Variants in RAB3C observed in about 807,000 individuals in gnomAD.
RAB3C encodes ras-related protein Rab-3C.
In RAB3C, 17 loss-of-function variants were observed where a neutral mutation model predicts 26.4. The ratio of observed to expected loss-of-function variants is 0.64; its 90% CI spans 0.44 to 0.97. The LOEUF is 0.97. Ranked by LOEUF, RAB3C falls within the 50% of genes least tolerant of loss-of-function variation. RAB3C has a pLI of 0.00. For missense variants in RAB3C, 242 were observed against 281.9 expected, an observed-to-expected ratio of 0.86 and a Z score of 1.01; for synonymous variants, 91 against 95.9, an observed-to-expected ratio of 0.95 and a Z score of 0.30.
At chr5:58,627,733 G>A (rs1368811259) in intron 2 of RAB3C, among the ~76,000 whole-genome samples, 1 of 152,178 alleles carries the variant, frequency 6.6e-6, no homozygotes, top group Non-Finnish European at 1.5e-5. Context: ...CGAGATAAGA[G>A]ATAGCAAATG....
intron 3 of RAB3C, among the ~76,000 whole-genome samples, chr5:58,748,164 C>T (rs1051498827): frequency 1.3e-5 from 2 of 150,084 alleles, no homozygotes; most frequent in African/African-American, 4.9e-5. Context: ...AGCCATTCCA[C>T]ATTACCCAGA....
chr5:58,781,802 C>T (rs1742276317), intron 3 of RAB3C, among the ~76,000 whole-genome samples: 2 of 151,984 alleles, frequency 1.3e-5, no homozygotes, highest in South Asian at 2.1e-4. Flanking sequence ...TCCATCCCAC[C>T]CTGAACCAAA....
intron 2 of RAB3C, among the ~76,000 whole-genome samples, chr5:58,701,186 A>G: frequency 6.6e-6 from 1 of 151,928 alleles, no homozygotes; most frequent in Non-Finnish European, 1.5e-5. Flanking sequence ...TATTTTCAGT[A>G]GAGATGGGGT....
At chr5:58,692,904 T>C (rs1333889745) in intron 2 of RAB3C, among the ~76,000 whole-genome samples, 1 of 151,850 alleles carries the variant, frequency 6.6e-6, no homozygotes, top group Non-Finnish European at 1.5e-5. Context: ...GGTTGGGAGT[T>C]TGAGACCAGC....
intron 4 of RAB3C, among the ~76,000 whole-genome samples, chr5:58,835,023 TA>T (rs1355774188): frequency 6.6e-6 from 1 of 152,184 alleles, no homozygotes; most frequent in East Asian, 1.9e-4. Context: ...CCAGTGTAAG[TA>T]TTAATAGCAT....
intron 2 of RAB3C, among the ~76,000 whole-genome samples, chr5:58,628,174 A>AC (rs1192611567): frequency 2.8e-4 from 43 of 151,508 alleles, no homozygotes; most frequent in Non-Finnish European, 5.2e-4. Flanking sequence ...AAAAAAAAAA[A>AC]AAAACAGTTT....
Position 58,812,725 on chromosome 5 carries a change from A to G in RAB3C, c.372-12313A>G, listed in dbSNP as rs907279613. ...GTTTCAAAACAGCAAGGAAAATCAC[A>G]GTGAGTGTTGTTTAGAGAATGGTTT... On this transcript the variant is annotated intron_variant, in intron 3 of 4. Transcript: ENST00000282878. Among the ~76,000 whole-genome samples the G allele has an allele frequency of 3.3e-5, 5 of 152,216 alleles. No individual in the cohort carries two copies. In the East Asian group the frequency reaches 9.6e-4, roughly 29 times the overall value.
At chr5:58,597,734 A>G (rs1193044213) in intron 1 of RAB3C, among the ~76,000 whole-genome samples, 2 of 125,550 alleles carry the variant, frequency 1.6e-5, no homozygotes, top group East Asian at 4.2e-4. Context: ...ATATAAGTAT[A>G]TAACATATAA....
At chr5:58,850,879 A>G (rs546253788) in intron 4 of RAB3C, among the ~76,000 whole-genome samples, 1 of 152,314 alleles carries the variant, frequency 6.6e-6, no homozygotes, top group East Asian at 1.9e-4. Flanking sequence ...AATATTTTTA[A>G]TCTATTCAGT....
At chr5:58,776,326 ACTT>A (rs1175389417) in intron 3 of RAB3C, among the ~76,000 whole-genome samples, 2 of 151,816 alleles carry the variant, frequency 1.3e-5, no homozygotes, top group Non-Finnish European at 2.9e-5. Context: ...TTTTGATGAA[ACTT>A]CTTCTTTCTA....
At chr5:58,833,232 A>C (rs943973656) in intron 4 of RAB3C, among the ~76,000 whole-genome samples, 1 of 151,764 alleles carries the variant, frequency 6.6e-6, no homozygotes, top group Non-Finnish European at 1.5e-5. Context: ...CTATTGGGTA[A>C]ATTATGGCGA....
At chr5:58,617,959 C>T (rs947464404) in intron 2 of RAB3C, 89 bp downstream of exon 2, 2 of 763,538 alleles carry the variant, frequency 2.6e-6, no homozygotes. Context: ...TTGTTCTATC[C>T]CCAGGGCATC....
chr5:58,805,874 G>A lies in RAB3C; in HGVS notation c.372-19164G>A, dbSNP rs1326546264. Among the ~76,000 whole-genome samples, 5 of 151,862 alleles carry A rather than the reference G, an allele frequency of 3.3e-5. No homozygotes were observed. The South Asian group carries it at 6.2e-4, about 19-fold the overall frequency. On this transcript the variant is annotated intron_variant, in intron 3 of 4. Coordinates refer to ENST00000282878, the MANE Select transcript of RAB3C (RefSeq NM_138453.4). ...AAGTATAGGAGGGAAGGGGTGTGGGGCAGGGAGTATATATATGAAGTCTGT... is the reference window on the plus strand; with the variant it reads ...AAGTATAGGAGGGAAGGGGTGTGGGACAGGGAGTATATATATGAAGTCTGT...
Position 58,660,777 on chromosome 5 carries a change from C to T in RAB3C, c.252+42907C>T, listed in dbSNP as rs76898774. On this transcript the variant is annotated intron_variant, in intron 2 of 4. Coordinates refer to ENST00000282878, the MANE Select transcript of RAB3C (RefSeq NM_138453.4). Reference sequence around the variant, plus strand: ...AGGCTACTTCCATCTTTCAAGTCTGCCATTTTAGATTCCTTTATTTTAATC... The same window carrying T: ...AGGCTACTTCCATCTTTCAAGTCTGTCATTTTAGATTCCTTTATTTTAATC... Among the ~76,000 whole-genome samples, 1,254 of 150,250 alleles carry T rather than the reference C, an allele frequency of 8.3e-3. 137 individuals are homozygous for T. The highest frequency in any genetic ancestry group is 0.03 in the African/African-American group (1,170 of 39,622).
rs1191755234 is a variant in RAB3C at position 58,603,717 on chromosome 5, A to AT, written c.25-13920dup. On this transcript the variant is annotated intron_variant, in intron 1 of 4. Transcript: ENST00000282878. ...TATTTCTCCCTTCACTTCTTGTATC[A>AT]TTTTTTGGATTTCCTTACATTGGGT... Among the ~76,000 whole-genome samples, 11 of 151,918 alleles carry AT rather than the reference A, an allele frequency of 7.2e-5. No individual in the cohort carries two copies. In the East Asian group the frequency reaches 1.2e-3, roughly 16 times the overall value.
intron 1 of RAB3C, among the ~76,000 whole-genome samples, chr5:58,596,574 T>C (rs910235507): frequency 8.0e-6 from 1 of 124,870 alleles, no homozygotes; most frequent in African/African-American, 3.1e-5. Flanking sequence ...TATATAAATA[T>C]ATAATACTAT....
Position 58,840,483 on chromosome 5 carries a change from G to A in RAB3C, c.497-10681G>A, listed in dbSNP as rs189337100. 2.4e-3 allele frequency among the ~76,000 whole-genome samples: 359 copies of A among 152,088 alleles called. 2 individuals are homozygous for A. Among genetic ancestry groups the A allele is most frequent in the African/African-American group, 8.2e-3 (340 of 41,484 alleles). On this transcript the variant is annotated intron_variant, in intron 4 of 4. Coordinates refer to ENST00000282878, the MANE Select transcript of RAB3C (RefSeq NM_138453.4). ...ATTTCACACATTTTCTTATCATTGAGGTCTGTTACTTGAGAATTGCTGTTT... is the reference window on the plus strand; with the variant it reads ...ATTTCACACATTTTCTTATCATTGAAGTCTGTTACTTGAGAATTGCTGTTT...
At chr5:58,838,504 T>C (rs1743798814) in intron 4 of RAB3C, among the ~76,000 whole-genome samples, 1 of 152,242 alleles carries the variant, frequency 6.6e-6, no homozygotes, top group South Asian at 2.1e-4. Context: ...TTGTTTCAAA[T>C]GATCTTCTTG....
chr5:58,787,872 T>C (rs138124678), intron 3 of RAB3C, among the ~76,000 whole-genome samples: 1 of 152,324 alleles, frequency 6.6e-6, no homozygotes, highest in African/African-American at 2.4e-5. Context: ...CTCCTTTTCC[T>C]GGGTGCGGAA....
Sources: allele counts gnomAD v4.1 joint callset (sites outside exome capture counted in the v4.1 genomes callset), GRCh38; gene constraint gnomAD v4.1.1; transcripts MANE v1.5; gene names NCBI Gene and HGNC (gene_info 2026-07-23, HGNC 2026-07-21).